The following DLGAP2 variants were observed in gnomAD, a reference collection of about 807,000 sequenced individuals.
The protein encoded by DLGAP2 is DLG associated protein 2.
In DLGAP2, 26 loss-of-function variants were observed where a neutral mutation model predicts 100.3. The ratio of observed to expected loss-of-function variants is 0.26; its 90% CI spans 0.19 to 0.36. The LOEUF is 0.36. Ranked by LOEUF, DLGAP2 falls within the 10% of genes least tolerant of loss-of-function variation. The pLI, the probability that DLGAP2 is intolerant of heterozygous loss-of-function variation, is 1.00. For synonymous variants in DLGAP2, 886 were observed against 630.1 expected, an observed-to-expected ratio of 1.41 and a Z score of -6.08; for missense variants, 1,858 against 1,453.2, an observed-to-expected ratio of 1.28 and a Z score of -4.53.
Position 1,540,716 on chromosome 8 carries a change from G to A in DLGAP2, c.173-7910G>A, listed in dbSNP as rs149542990. Among the ~76,000 whole-genome samples, 11 of 152,224 alleles carry A rather than the reference G, an allele frequency of 7.2e-5. No individual in the cohort carries two copies. The South Asian group carries it at 1.0e-3, about 14-fold the overall frequency. ...GGCATCACTGCGGACAGAGCCCAGCGTGGGCGGCCGTGACCAGCAGTGCTT... is the reference window on the plus strand; with the variant it reads ...GGCATCACTGCGGACAGAGCCCAGCATGGGCGGCCGTGACCAGCAGTGCTT... On this transcript the variant is annotated intron_variant, in intron 4 of 14. Coordinates refer to ENST00000637795, the MANE Select transcript of DLGAP2 (RefSeq NM_001346810.2).
At chr8:1,444,782 T>TTG (rs1797936870) in intron 3 of DLGAP2, among the ~76,000 whole-genome samples, 1 of 145,014 alleles carries the variant, frequency 6.9e-6, no homozygotes, top group African/African-American at 2.6e-5. Flanking sequence ...TTTTTTTTTT[T>TTG]TTTTTTTTTT....
chr8:1,355,813 C>T (rs1038880228), intron 3 of DLGAP2, among the ~76,000 whole-genome samples: 10 of 152,198 alleles, frequency 6.6e-5, no homozygotes, highest in Non-Finnish European at 1.5e-5. Flanking sequence ...ACCCCACGGT[C>T]CTGGCCATGC....
At chr8:973,050 C>CT (rs1248491070) in intron 2 of DLGAP2, among the ~76,000 whole-genome samples, 3 of 152,266 alleles carry the variant, frequency 2.0e-5, no homozygotes, top group Admixed American at 1.3e-4. Flanking sequence ...TCTGATTTCT[C>CT]TATCTTTTCA....
intron 2 of DLGAP2, among the ~76,000 whole-genome samples, chr8:1,071,428 G>A (rs1338350756): frequency 6.6e-6 from 1 of 152,108 alleles, no homozygotes; most frequent in Non-Finnish European, 1.5e-5. Flanking sequence ...CTCCTGGGTG[G>A]GGCTGTGCTA....
At chr8:1,669,637 G>A (rs778853646) in intron 9 of DLGAP2, 106 bp from the exon 10 acceptor site, 16 of 765,248 alleles carry the variant, frequency 2.1e-5, no homozygotes, top group African/African-American at 8.5e-5. Context: ...CCGGGCCCGT[G>A]CGGCGCTGGT....
intron 3 of DLGAP2, among the ~76,000 whole-genome samples, chr8:1,456,972 C>T (rs943206804): frequency 1.3e-5 from 2 of 152,234 alleles, no homozygotes; most frequent in Non-Finnish European, 2.9e-5. Context: ...TGAGCGCTGG[C>T]GCCCAGGCCT....
At chr8:1,010,045 T>G (rs1021250984) in intron 2 of DLGAP2, among the ~76,000 whole-genome samples, 2 of 152,264 alleles carry the variant, frequency 1.3e-5, no homozygotes, top group African/African-American at 4.8e-5. Flanking sequence ...TCACTGTTGT[T>G]GCTTTTAATA....
At chr8:1,081,187 A>G (rs1803796075) in intron 2 of DLGAP2, among the ~76,000 whole-genome samples, 1 of 152,178 alleles carries the variant, frequency 6.6e-6, no homozygotes, top group African/African-American at 2.4e-5. Context: ...TAATAATAAC[A>G]ATAACACATA....
At chr8:1,106,963 G>A (rs1804794815) in intron 2 of DLGAP2, among the ~76,000 whole-genome samples, 1 of 151,838 alleles carries the variant, frequency 6.6e-6, no homozygotes, top group African/African-American at 2.4e-5. Flanking sequence ...ATTTTCTTCT[G>A]GGAAGAGTCT....
intron 2 of DLGAP2, among the ~76,000 whole-genome samples, chr8:1,249,797 A>T (rs913229105): frequency 3.3e-5 from 5 of 152,232 alleles, no homozygotes; most frequent in African/African-American, 1.2e-4. Flanking sequence ...CCCTCGGTGC[A>T]CATCCGTTAG....
At chr8:1,091,145 C>T (rs1395307124) in intron 2 of DLGAP2, among the ~76,000 whole-genome samples, 1 of 152,180 alleles carries the variant, frequency 6.6e-6, no homozygotes, top group East Asian at 1.9e-4. Context: ...GCACACAGCC[C>T]ACCCCGGTTC....
At chr8:1,666,467 G>A (rs1798546478) in intron 8 of DLGAP2, among the ~76,000 whole-genome samples, 1 of 152,152 alleles carries the variant, frequency 6.6e-6, no homozygotes, top group Admixed American at 6.6e-5. Context: ...GAGGTCCTGA[G>A]GTCAGGAGTT....
At chr8:1,113,597 G>C (rs1034080512) in intron 2 of DLGAP2, among the ~76,000 whole-genome samples, 4 of 152,128 alleles carry the variant, frequency 2.6e-5, no homozygotes, top group African/African-American at 7.2e-5. Context: ...GAGAGCTTTT[G>C]AGCCAAGACT....
chr8:1,664,601 C>A (rs1798497609), intron 8 of DLGAP2, among the ~76,000 whole-genome samples: 1 of 152,190 alleles, frequency 6.6e-6, no homozygotes, highest in Non-Finnish European at 1.5e-5. Context: ...TGGAAGAAAG[C>A]CCAGGGTCTT....
intron 1 of DLGAP2, among the ~76,000 whole-genome samples, chr8:835,138 G>C (rs1796849955): frequency 6.6e-6 from 1 of 152,150 alleles, no homozygotes; most frequent in Non-Finnish European, 1.5e-5. Context: ...CATATGGATG[G>C]AGTTAATGCT....
intron 3 of DLGAP2, among the ~76,000 whole-genome samples, chr8:1,421,397 C>T (rs560526026): frequency 1.3e-5 from 2 of 152,268 alleles, no homozygotes; most frequent in African/African-American, 4.8e-5. Flanking sequence ...ACATCCCATT[C>T]TGAGGCTCTC....
intron 3 of DLGAP2, among the ~76,000 whole-genome samples, chr8:1,293,454 C>T (rs1225201746): frequency 6.6e-6 from 1 of 152,200 alleles, no homozygotes; most frequent in Non-Finnish European, 1.5e-5. Flanking sequence ...CTTCCCTGTG[C>T]CTCCCTTTTC....
At chr8:1,500,129 A>T (rs376989214) in intron 3 of DLGAP2, among the ~76,000 whole-genome samples, 21 of 152,360 alleles carry the variant, frequency 1.4e-4, no homozygotes, top group African/African-American at 5.0e-4. Context: ...GGTGACAAAG[A>T]TGTGTGTACG....
chr8:993,637 A>G lies in DLGAP2; in HGVS notation c.73+85671A>G, dbSNP rs115425172. On this transcript the variant is annotated intron_variant, in intron 2 of 14. Coordinates refer to ENST00000637795, the MANE Select transcript of DLGAP2 (RefSeq NM_001346810.2). Reference sequence around the variant, plus strand: ...GGTGTGTATCCTTTCTCCTGTATCAAGCGTCTCCTTCATGGGCGATTCTGC... The same window carrying G: ...GGTGTGTATCCTTTCTCCTGTATCAGGCGTCTCCTTCATGGGCGATTCTGC... Among the ~76,000 whole-genome samples, 745 of 152,198 alleles carry G rather than the reference A, an allele frequency of 4.9e-3. 6 individuals carry two copies. The highest frequency in any genetic ancestry group is 0.017 in the African/African-American group (708 of 41,514).
Sources: allele counts gnomAD v4.1 joint callset (sites outside exome capture counted in the v4.1 genomes callset), GRCh38; gene constraint gnomAD v4.1.1; transcripts MANE v1.5; gene names NCBI Gene and HGNC (gene_info 2026-07-23, HGNC 2026-07-21).